The following TLE1 variants were observed in gnomAD, a reference collection of about 807,000 sequenced individuals.
TLE1 encodes the protein transducin-like enhancer protein 1.
In TLE1, 21 loss-of-function variants were observed where a neutral mutation model predicts 89.8. That is an observed-to-expected ratio of 0.23 (90% CI 0.17 to 0.34). The LOEUF is 0.34. Ranked by LOEUF, TLE1 falls within the 10% of genes least tolerant of loss-of-function variation. The probability of loss-of-function intolerance (pLI) is 1.00; values close to 1 mark genes in which losing one functional copy is unlikely to be tolerated. For missense variants in TLE1, 795 were observed against 1,031.2 expected (o/e 0.77, Z 3.14); for synonymous variants, 447 against 407.6 (o/e 1.10, Z -1.16).
chr9:81,686,486 G>A (rs953548927), intron 2 of TLE1, among the ~76,000 whole-genome samples: 4 of 152,246 alleles, frequency 2.6e-5, no homozygotes, highest in African/African-American at 9.6e-5. Context: ...TCTACAAGTA[G>A]ACAAAAGGTC....
chr9:81,588,452 C>T (rs1035319323), intron 16 of TLE1, among the ~76,000 whole-genome samples: 34 of 152,228 alleles, frequency 2.2e-4, no homozygotes, highest in African/African-American at 7.7e-4. Flanking sequence ...TCACGCATGC[C>T]GGCCTCCTGA....
chr9:81,617,133 C>CAAAAAAAAAAAAAAAAAAA, intron 9 of TLE1, among the ~76,000 whole-genome samples: 1 of 124,190 alleles, frequency 8.1e-6, no homozygotes, highest in Non-Finnish European at 1.8e-5. Flanking sequence ...CTAGTTAATG[C>CAAAAAAAAAAAAAAAAAAA]AAAAAAAAAA....
intron 4 of TLE1, among the ~76,000 whole-genome samples, chr9:81,677,327 A>G (rs1172972332): frequency 2.6e-5 from 4 of 151,928 alleles, no homozygotes; most frequent in Non-Finnish European, 4.4e-5. Context: ...GCACTTTGGG[A>G]GGCTGAGGTG....
intron 6 of TLE1, among the ~76,000 whole-genome samples, chr9:81,646,824 G>A (rs1828918294): frequency 6.6e-6 from 1 of 152,034 alleles, no homozygotes; most frequent in Admixed American, 6.6e-5. Flanking sequence ...AAATACCCTA[G>A]ACTTATTTTT....
At chr9:81,599,629 C>T (rs967802642) in intron 14 of TLE1, among the ~76,000 whole-genome samples, 1 of 152,110 alleles carries the variant, frequency 6.6e-6, no homozygotes, top group East Asian at 1.9e-4. Context: ...GTATAATTTA[C>T]CTGCTATGGG....
chr9:81,670,667 T>G (rs1027046516), intron 4 of TLE1, among the ~76,000 whole-genome samples: 1 of 149,056 alleles, frequency 6.7e-6, no homozygotes, highest in African/African-American at 2.6e-5. Context: ...TTATTCCTTA[T>G]TAACTTTGAG....
At chr9:81,669,300 T>C (rs1272423660) in intron 4 of TLE1, among the ~76,000 whole-genome samples, 2 of 152,220 alleles carry the variant, frequency 1.3e-5, no homozygotes, top group Non-Finnish European at 2.9e-5. Context: ...TTCATCTCCA[T>C]CTGTCTAATA....
rs555331404 is a variant in TLE1, at chr9:81,599,877, T to C, written c.1332-6603A>G. 4.6e-5 allele frequency: 21 copies of C among 456,334 alleles called. No individual in the cohort carries two copies. In the Admixed American group the frequency reaches 5.2e-4, roughly 11 times the overall value. The allele number at this position is 456,334 out of a possible 1,614,324, so 28.3% of individuals were successfully genotyped here. A position where few individuals can be genotyped will look rare whatever the true frequency, so the allele number is the denominator to read the frequency against. On this transcript the variant is annotated intron_variant, in intron 14 of 19. Coordinates refer to ENST00000376499, the MANE Select transcript of TLE1 (RefSeq NM_005077.5). The stretch of plus-strand genomic sequence containing the variant: ...GGTTGGGAGACTCTTTGTTTCCTTA[T>C]TTAGAGGCATACACTCTATTTTCAT...
chr9:81,641,579 A>G (rs529967055), intron 6 of TLE1, among the ~76,000 whole-genome samples: 1 of 152,352 alleles, frequency 6.6e-6, no homozygotes, highest in East Asian at 1.9e-4. Flanking sequence ...ATAGTACAAA[A>G]ATTAAAAAAT....
rs2133223486 is a variant in TLE1 at position 81,688,627 on chromosome 9, G to C, written c.-387C>G. 1 of 221,140 alleles carries C rather than the reference G, an allele frequency of 4.5e-6. No individual in the cohort carries two copies. The highest frequency in any genetic ancestry group is 1.5e-3 in the Middle Eastern group (1 of 676). The allele number at this position is 221,140 out of a possible 1,614,324, so 13.7% of individuals were successfully genotyped here. A position where few individuals can be genotyped will look rare whatever the true frequency, so the allele number is the denominator to read the frequency against. On this transcript the variant is annotated 5_prime_UTR_variant, in exon 1 of 20. Transcript: ENST00000376499. ...CTCCCCTCGGCGATCCGCGTGCGCG[G>C]CGCCAGTCCTGGGCAAACAAATCCA...
At chr9:81,599,996 G>C in intron 14 of TLE1, 1 of 641,106 alleles carries the variant, frequency 1.6e-6, no homozygotes, top group Non-Finnish European at 2.9e-6. Flanking sequence ...GACCTAAGTT[G>C]ATAAATGAGG....
At chr9:81,653,647 C>T (rs1829822458) in intron 5 of TLE1, among the ~76,000 whole-genome samples, 1 of 152,168 alleles carries the variant, frequency 6.6e-6, no homozygotes, top group Admixed American at 6.5e-5. Context: ...AGTATGAGAA[C>T]AGCTTTCTAT....
At chr9:81,633,239 T>A in intron 8 of TLE1, 109 bp downstream of exon 8, 4 of 1,525,116 alleles carry the variant, frequency 2.6e-6, no homozygotes, top group Non-Finnish European at 3.6e-6. Flanking sequence ...ACAGGGAGAG[T>A]GTGCATGTCT....
At chr9:81,665,804 G>T (rs1430740672) in intron 4 of TLE1, among the ~76,000 whole-genome samples, 1 of 151,762 alleles carries the variant, frequency 6.6e-6, no homozygotes, top group Non-Finnish European at 1.5e-5. Flanking sequence ...TGCAATGATG[G>T]TCTTTTGATT....
intron 14 of TLE1, among the ~76,000 whole-genome samples, chr9:81,601,336 T>G (rs948019355): frequency 6.6e-6 from 1 of 152,206 alleles, no homozygotes; most frequent in African/African-American, 2.4e-5. Context: ...ACCCCAAACG[T>G]AGTTAAGATT....
intron 4 of TLE1, among the ~76,000 whole-genome samples, chr9:81,675,683 T>G (rs1832781098): frequency 6.7e-6 from 1 of 149,780 alleles, no homozygotes; most frequent in East Asian, 2.0e-4. Context: ...AATTTTAGCA[T>G]AAGGACTCAC....
chr9:81,668,881 C>G (rs1247285844), intron 4 of TLE1, among the ~76,000 whole-genome samples: 1 of 152,210 alleles, frequency 6.6e-6, no homozygotes, highest in Admixed American at 6.5e-5. Context: ...AGTTACCACT[C>G]CTGTAATTCA....
At chr9:81,674,820 G>A (rs1019528884) in intron 4 of TLE1, among the ~76,000 whole-genome samples, 1 of 152,094 alleles carries the variant, frequency 6.6e-6, no homozygotes, top group Non-Finnish European at 1.5e-5. Flanking sequence ...GCAAGTCTAG[G>A]AGGAAAACCC....
At chr9:81,590,670 C>T in intron 16 of TLE1, 135 bp downstream of exon 16, 1 of 1,451,948 alleles carries the variant, frequency 6.9e-7, no homozygotes, top group South Asian at 1.4e-5. Flanking sequence ...GTCTTTGTTC[C>T]CTCATCACCT....
Sources: gnomAD v4.1 joint callset for allele counts (sites outside exome capture counted in the v4.1 genomes callset) on GRCh38, gnomAD v4.1.1 for gene constraint, MANE v1.5 for transcripts, NCBI Gene and HGNC (gene_info 2026-07-23, HGNC 2026-07-21) for gene names.